The following MYLK4 variants were observed in gnomAD, a reference collection of about 807,000 sequenced individuals.
The protein encoded by MYLK4 is caMLCK like.
A neutral mutation model predicts 48.1 loss-of-function variants in MYLK4; 46 were observed. The observed-to-expected ratio is 0.96, with a 90% CI of 0.75 to 1.22. The LOEUF (loss-of-function observed/expected upper bound fraction) is 1.22. Ranked by LOEUF, MYLK4 falls within the 50% of genes most tolerant of loss-of-function variation. MYLK4 has a pLI of 0.00. For missense variants in MYLK4, 451 were observed against 486.1 expected (o/e 0.93, Z 0.68); for synonymous variants, 170 against 180.8 (o/e 0.94, Z 0.48).
chr6:2,722,604 G>A (rs1582095991), intron 2 of MYLK4, among the ~76,000 whole-genome samples: 1 of 150,266 alleles, frequency 6.7e-6, no homozygotes, highest in African/African-American at 2.4e-5. Context: ...TCTCTCTACA[G>A]AAGTCAATTT....
chr6:2,676,670 C>T (rs531818646), intron 10 of MYLK4, among the ~76,000 whole-genome samples: 167 of 152,290 alleles, frequency 1.1e-3, no homozygotes, highest in African/African-American at 3.6e-3. Context: ...AAATGGGCAT[C>T]TGATGCTCCT....
In MYLK4 at chr6:2,679,384, C is replaced by T; in HGVS notation, c.783G>A (p.Lys261=). Residue 261 remains lysine (K), a synonymous_variant, in exon 9 of 13, where the codon AAG becomes AAA. Transcript: ENST00000274643. ...ARRYKPREKL[K]VNFGTPEFLA... ...GAAATTCTGGGGTTCCAAAGTTCAC[C>T]TTCAGCTTCTCTCTGGGTTTGTATC... The T allele has an allele frequency of 6.2e-7, 1 of 1,614,140 alleles. No individual in the cohort carries two copies. The highest frequency in any genetic ancestry group is 8.5e-7 in the Non-Finnish European group (1 of 1,180,014).
At chr6:2,669,265 G>A (rs1760785668) in intron 12 of MYLK4, among the ~76,000 whole-genome samples, 1 of 152,224 alleles carries the variant, frequency 6.6e-6, no homozygotes, top group African/African-American at 2.4e-5. Context: ...TCCAGCAGAG[G>A]CTGTGTCCAG....
intron 2 of MYLK4, among the ~76,000 whole-genome samples, chr6:2,745,835 G>C (rs1764067271): frequency 6.6e-6 from 1 of 151,492 alleles, no homozygotes; most frequent in Admixed American, 6.6e-5. Flanking sequence ...TGAGGCAGGA[G>C]AATCACTTGA....
rs1760583153 is a variant in MYLK4, at chr6:2,664,815, TC to T, written c.*3109del. Reference sequence around the variant, plus strand: ...TACCAGCTTCAACCTAGAAATTGTTTCCCCAAGTTAGTTCAGATGAGAGTCT... The same window carrying T: ...TACCAGCTTCAACCTAGAAATTGTTTCCCAAGTTAGTTCAGATGAGAGTCT... On this transcript the variant is annotated 3_prime_UTR_variant, in exon 13 of 13. Transcript: ENST00000274643. The T allele has an allele frequency of 6.6e-6, 1 of 152,196 alleles. No homozygotes were observed. The highest frequency in any genetic ancestry group is 2.1e-4 in the South Asian group (1 of 4,822). 9.4% of individuals were successfully genotyped at this position (152,196 alleles called of 1,614,324 possible).
At chr6:2,744,220 C>T in intron 2 of MYLK4, 1 of 391,074 alleles carries the variant, frequency 2.6e-6, no homozygotes, top group Non-Finnish European at 4.5e-6. Flanking sequence ...AGCAAATAAT[C>T]TGCCTCTTTA....
chr6:2,746,104 A>AT (rs1056794429), intron 2 of MYLK4, among the ~76,000 whole-genome samples: 9 of 92,736 alleles, frequency 9.7e-5, no homozygotes, highest in African/African-American at 3.0e-4. Flanking sequence ...TACAAAAAAA[A>AT]ATATAAAAAA....
intron 2 of MYLK4, among the ~76,000 whole-genome samples, chr6:2,735,011 A>G (rs13192400): frequency 0.43 from 65,743 of 152,098 alleles, 14,937 homozygotes; most frequent in East Asian, 0.55. Context: ...TGCATCACAC[A>G]TAAAACAGCA....
intron 2 of MYLK4, among the ~76,000 whole-genome samples, chr6:2,696,475 C>G (rs997834485): frequency 8.5e-5 from 13 of 152,152 alleles, no homozygotes; most frequent in African/African-American, 3.1e-4. Context: ...CTTATAAGAA[C>G]CAAAATGAAA....
the MYLK4 span, among the ~76,000 whole-genome samples, chr6:2,761,385 A>G: frequency 1.3e-5 from 2 of 152,234 alleles, no homozygotes; most frequent in Non-Finnish European, 2.9e-5. Context: ...GCTGATCTGA[A>G]AAGAAAGTTT....
In MYLK4 at chr6:2,666,272, C is replaced by T. The variant is rs1760648499; in HGVS notation, c.*1653G>A. On this transcript the variant is annotated 3_prime_UTR_variant, in exon 13 of 13. Coordinates refer to ENST00000274643, the MANE Select transcript of MYLK4 (RefSeq NM_001012418.5). The stretch of plus-strand genomic sequence containing the variant: ...GATGCAAAGTGAAACTGCCATCCCT[C>T]ATGAGGCCACCAAGTAATTCTTATG... The T allele has an allele frequency of 6.6e-6, 1 of 152,238 alleles. No individual in the cohort carries two copies. The highest frequency in any genetic ancestry group is 1.5e-5 in the Non-Finnish European group (1 of 68,050). The allele number at this position is 152,238 out of a possible 1,614,324, so 9.4% of individuals were successfully genotyped here.
At chr6:2,725,599 GA>G (rs916926678) in intron 2 of MYLK4, among the ~76,000 whole-genome samples, 1 of 142,052 alleles carries the variant, frequency 7.0e-6, no homozygotes, top group Admixed American at 7.1e-5. Context: ...AAGAAAGAAA[GA>G]AAGAAACAAA....
Position 2,680,345 on chromosome 6 carries a change from T to C in MYLK4, c.688-54A>G, listed in dbSNP as rs994162668. On this transcript the variant is annotated intron_variant, in intron 7 of 12. Transcript: ENST00000274643. The stretch of plus-strand genomic sequence containing the variant: ...TGAAAACAACCATCATTCACTCAAA[T>C]TGTCCTTGAACCACAACTAAAAATA... The C allele has an allele frequency of 9.9e-6, 16 of 1,610,974 alleles. No homozygotes were observed. In the African/African-American group the frequency reaches 1.5e-4, roughly 15 times the overall value.
At chr6:2,765,184 C>G in the MYLK4 span, among the ~76,000 whole-genome samples, 2 of 72,248 alleles carry the variant, frequency 2.8e-5, no homozygotes, top group African/African-American at 4.3e-5. Context: ...GCCTCGCAAC[C>G]CCCCCCCCCG....
At chr6:2,764,707 G>T in the MYLK4 span, among the ~76,000 whole-genome samples, 2 of 152,274 alleles carry the variant, frequency 1.3e-5, no homozygotes, top group East Asian at 3.9e-4. Flanking sequence ...CAGAAGGCTG[G>T]TGTTTCCGAT....
At chr6:2,675,255 C>A in intron 10 of MYLK4, 130 bp from the exon 11 acceptor site, 1 of 691,520 alleles carries the variant, frequency 1.4e-6, no homozygotes, top group South Asian at 1.6e-5. Flanking sequence ...GTCAATTCTG[C>A]CTTCTCTTGA....
chr6:2,680,208 C>T lies in MYLK4; in HGVS notation c.758+13G>A. 1 of 1,613,816 alleles carries T rather than the reference C, an allele frequency of 6.2e-7. No individual in the cohort carries two copies. Among genetic ancestry groups the T allele is most frequent in the Admixed American group, 1.7e-5 (1 of 60,012 alleles). On this transcript the variant is annotated intron_variant, in intron 8 of 12. Transcript: ENST00000274643. ...CCAGCTCCATTCGTACACCTATGTC[C>T]AAATAGACATACCTTCTGGCCAATC...
At chr6:2,706,965 T>G (rs569273573) in intron 2 of MYLK4, among the ~76,000 whole-genome samples, 13 of 152,340 alleles carry the variant, frequency 8.5e-5, no homozygotes, top group Non-Finnish European at 1.6e-4. Context: ...CCATCTGTAT[T>G]TACTACATGC....
intron 6 of MYLK4, among the ~76,000 whole-genome samples, chr6:2,683,391 TTGTG>T (rs67359849): frequency 0.013 from 1,589 of 126,620 alleles, 49 homozygotes; most frequent in East Asian, 0.03. Context: ...CCCCACCTTT[TTGTG>T]TGTGTGTGTG....
Sources: allele counts gnomAD v4.1 joint callset (sites outside exome capture counted in the v4.1 genomes callset), GRCh38; gene constraint gnomAD v4.1.1; transcripts MANE v1.5; gene names NCBI Gene and HGNC (gene_info 2026-07-23, HGNC 2026-07-21).